The following HERC1 variants were observed in gnomAD, a reference collection of about 807,000 sequenced individuals.
HERC1 encodes the protein probable E3 ubiquitin-protein ligase HERC1.
HERC1 carries 160 observed loss-of-function variants against 554.3 expected under a neutral mutation model. That is an observed-to-expected ratio of 0.29 (90% CI 0.25 to 0.33). The LOEUF (loss-of-function observed/expected upper bound fraction) is 0.33. HERC1 is among the 10% of genes least tolerant of loss of function. HERC1 has a pLI of 1.00. For synonymous variants in HERC1, 2,175 were observed against 2,131.7 expected (o/e 1.02, Z -0.56); for missense variants, 4,919 against 5,918.5 (o/e 0.83, Z 5.54).
rs926837938 is a variant in HERC1, at chr15:63,677,104, T to TC, written c.7070+740dup. The stretch of plus-strand genomic sequence containing the variant: ...AATCTGAAATGCTCCAATGGGCAAC[T>TC]CCTTTGAGTGAAAACCTGAAACTTT... On this transcript the variant is annotated intron_variant, in intron 37 of 77. Coordinates refer to ENST00000443617, the MANE Select transcript of HERC1 (RefSeq NM_003922.4). This position sits in a 1 kb window ranked among gnomAD's most constrained non-coding sequence, Gnocchi z 4.4. Among the ~76,000 whole-genome samples the TC allele has an allele frequency of 6.6e-5, 10 of 152,178 alleles. No individual in the cohort carries two copies. The highest frequency in any genetic ancestry group is 2.4e-4 in the African/African-American group (10 of 41,446).
At chr15:63,678,474 C>T in intron 36 of HERC1, 109 bp from the exon 37 acceptor site, 1 of 1,291,710 alleles carries the variant, frequency 7.7e-7, no homozygotes, top group Non-Finnish European at 1.0e-6. Flanking sequence ...TGGGTCTCTT[C>T]ATACATGTGA....
At chr15:63,647,688 G>T (rs968552170) in intron 55 of HERC1, among the ~76,000 whole-genome samples, 1 of 152,132 alleles carries the variant, frequency 6.6e-6, no homozygotes, top group Admixed American at 6.5e-5. Context: ...ATGAAATCAG[G>T]TATTTTAAGC....
In HERC1 at chr15:63,629,858, C is replaced by T. The variant is rs531258355; in HGVS notation, c.12966+608G>A. ...CTCTGCATGTGGAGCTAAAAGTCAC[C>T]GTCATAGCATCTCAGACATCTCACA... On this transcript the variant is annotated intron_variant, in intron 69 of 77. Coordinates refer to ENST00000443617, the MANE Select transcript of HERC1 (RefSeq NM_003922.4). Among the ~76,000 whole-genome samples the T allele has an allele frequency of 5.6e-4, 85 of 152,204 alleles. 1 individual carries two copies. Among genetic ancestry groups the T allele is most frequent in the African/African-American group, 1.9e-3 (77 of 41,518 alleles).
intron 1 of HERC1, among the ~76,000 whole-genome samples, chr15:63,822,878 A>G (rs2077753531): frequency 6.6e-6 from 1 of 152,204 alleles, no homozygotes; most frequent in Admixed American, 6.5e-5. Context: ...TAAAGGGTAT[A>G]AAGAAAAAAG....
rs71456333 is a variant in HERC1, at chr15:63,826,784, TAAAAAAAAAAA to T, written c.-27+7032_-27+7042del. 5.4e-3 allele frequency among the ~76,000 whole-genome samples: 198 copies of T among 36,964 alleles called. 1 individual carries two copies. Among genetic ancestry groups the T allele is most frequent in the African/African-American group, 0.014 (165 of 11,398 alleles). The allele number at this position is 36,964 out of a possible 152,430, so 24.2% of individuals were successfully genotyped here. On this transcript the variant is annotated intron_variant, in intron 1 of 77. Coordinates refer to ENST00000443617, the MANE Select transcript of HERC1 (RefSeq NM_003922.4). Reference sequence around the variant, plus strand: ...TATTCTTTTAATCACTTATCTCTGGTAAAAAAAAAAAAAAAAAAAAAAAAAAAAAAATATAT... The same window carrying T: ...TATTCTTTTAATCACTTATCTCTGGTAAAAAAAAAAAAAAAAAAAATATAT...
At chr15:63,832,335 A>G (rs1047716704) in intron 1 of HERC1, among the ~76,000 whole-genome samples, 1 of 152,176 alleles carries the variant, frequency 6.6e-6, no homozygotes, top group African/African-American at 2.4e-5. Flanking sequence ...GGCACCTAGG[A>G]CATTCAATTT....
intron 2 of HERC1, 58 bp downstream of exon 2, chr15:63,774,636 T>G: frequency 7.9e-7 from 1 of 1,267,422 alleles, no homozygotes. Flanking sequence ...CATTAAAAAC[T>G]GCATTGACTT....
Position 63,689,704 on chromosome 15 carries a change from T to G in HERC1, c.5938-5A>C. ...GGAAAATAAGCGCTCAACAATCTGT[T>G]TTATTGAAGAAAAAAGGATAAAATT... is the stretch of plus-strand genomic sequence containing the variant. On this transcript the variant is annotated splice_region_variant and splice_polypyrimidine_tract_variant and intron_variant, in intron 32 of 77. Transcript: ENST00000443617. 6.7e-7 allele frequency: 1 copy of G among 1,499,496 alleles called. No individual in the cohort carries two copies. Among genetic ancestry groups the G allele is most frequent in the Non-Finnish European group, 9.0e-7 (1 of 1,110,170 alleles). 92.9% of individuals were successfully genotyped at this position (1,499,496 alleles called of 1,614,324 possible).
In HERC1 at chr15:63,659,945, TA is replaced by T; in HGVS notation, c.9224-10del. ...CAACATGTCCCAGTCTTCTGGAATT[TA>T]AATAAATAAATGTATAGTATGTGAA... is the stretch of plus-strand genomic sequence containing the variant. On this transcript the variant is annotated splice_polypyrimidine_tract_variant and intron_variant, in intron 46 of 77. Coordinates refer to ENST00000443617, the MANE Select transcript of HERC1 (RefSeq NM_003922.4). 2 of 1,566,560 alleles carry T rather than the reference TA, an allele frequency of 1.3e-6. No homozygotes were observed. Among genetic ancestry groups the T allele is most frequent in the Non-Finnish European group, 1.8e-6 (2 of 1,140,654 alleles).
intron 51 of HERC1, among the ~76,000 whole-genome samples, chr15:63,653,106 T>C (rs1208849206): frequency 1.3e-5 from 2 of 152,228 alleles, no homozygotes; most frequent in Non-Finnish European, 2.9e-5. Flanking sequence ...CATTTTATGT[T>C]CTATAAAATA....
intron 14 of HERC1, 111 bp from the exon 15 acceptor site, chr15:63,729,760 C>T: frequency 9.0e-6 from 9 of 1,004,700 alleles, no homozygotes; most frequent in South Asian, 1.6e-5. Flanking sequence ...CGGTGACTCA[C>T]ACCTGTAATC....
chr15:63,622,657 A>T (rs553546700), intron 74 of HERC1, among the ~76,000 whole-genome samples, 158 bp downstream of exon 74: 2 of 152,252 alleles, frequency 1.3e-5, no homozygotes, highest in East Asian at 3.9e-4. Flanking sequence ...TGACAAGAGG[A>T]TAACAACAAT....
intron 1 of HERC1, among the ~76,000 whole-genome samples, chr15:63,827,441 A>T (rs2077981559): frequency 6.6e-6 from 1 of 152,038 alleles, no homozygotes; most frequent in Non-Finnish European, 1.5e-5. Context: ...AAAAAGACCG[A>T]AGAAAATGAA....
chr15:63,609,290 T>TG, intron 77 of HERC1, 24 bp from the exon 78 acceptor site: 1 of 1,582,384 alleles, frequency 6.3e-7, no homozygotes, highest in Non-Finnish European at 8.6e-7. Flanking sequence ...CCCAGAGCCG[T>TG]GACTGGGGAC....
intron 12 of HERC1, among the ~76,000 whole-genome samples, chr15:63,746,197 T>C (rs2075048543): frequency 6.6e-6 from 1 of 152,054 alleles, no homozygotes; most frequent in African/African-American, 2.4e-5. Flanking sequence ...CAGCTTTAGC[T>C]GCATTTCATG....
chr15:63,744,110 C>CTCTGTGTGTG (rs1555433487), intron 12 of HERC1, among the ~76,000 whole-genome samples: 2 of 93,356 alleles, frequency 2.1e-5, no homozygotes, highest in African/African-American at 9.6e-5. Context: ...CCCAAACAGA[C>CTCTGTGTGTG]TGTGTGTGTG....
intron 2 of HERC1, among the ~76,000 whole-genome samples, chr15:63,767,204 T>C (rs2075808977): frequency 6.7e-6 from 1 of 148,884 alleles, no homozygotes; most frequent in African/African-American, 2.5e-5. Context: ...GGTTTCACCA[T>C]GTTGGCCACA....
chr15:63,636,426 A>G (rs541328894), intron 64 of HERC1, among the ~76,000 whole-genome samples: 2 of 151,952 alleles, frequency 1.3e-5, no homozygotes, highest in Admixed American at 6.5e-5. Flanking sequence ...ATGTGCCACC[A>G]TATCTGGCTA....
chr15:63,723,633 T>C lies in HERC1; in HGVS notation c.3569-278A>G, dbSNP rs1255181628. Among the ~76,000 whole-genome samples the C allele has an allele frequency of 3.3e-5, 5 of 152,196 alleles. No homozygotes were observed. The East Asian group carries it at 9.6e-4, about 29-fold the overall frequency. On this transcript the variant is annotated intron_variant, in intron 18 of 77. Coordinates refer to ENST00000443617, the MANE Select transcript of HERC1 (RefSeq NM_003922.4). ...TTACCTCTGAGCTATACCCTACAAC[T>C]CTGGCGTTTTGGCAGGCAGAGGCCA...
Sources: allele counts gnomAD v4.1 joint callset (sites outside exome capture counted in the v4.1 genomes callset), GRCh38; gene constraint gnomAD v4.1.1; non-coding constraint Gnocchi (gnomAD v3.1); transcripts MANE v1.5; gene names NCBI Gene and HGNC (gene_info 2026-07-23, HGNC 2026-07-21).